Variants in CFAP47 observed in about 807,000 individuals in gnomAD.
The protein encoded by CFAP47 is cilia and flagella associated protein 47.
CFAP47 carries 29 observed loss-of-function variants against 148.1 expected under a neutral mutation model. The observed-to-expected ratio is 0.20, with a 90% confidence interval of 0.15 to 0.27. The LOEUF is 0.27. Among genes scored for constraint, CFAP47 ranks in the 10% least tolerant of loss-of-function variants. The probability of loss-of-function intolerance (pLI) is 1.00; values close to 1 mark genes in which losing one functional copy is unlikely to be tolerated. For missense variants in CFAP47, 1,872 were observed against 1,697.5 expected (o/e 1.10, Z -1.81); for synonymous variants, 664 against 577.3 (o/e 1.15, Z -2.15).
intron 33 of CFAP47, among the ~76,000 whole-genome samples, chrX:36,129,758 T>C (rs1938910994): frequency 9.0e-6 from 1 of 111,072 alleles, no homozygotes; most frequent in Admixed American, 9.6e-5. Context: ...TAAATGCCAG[T>C]CCATGTAGTA....
At chrX:36,319,477 T>C (rs1556011668) in intron 57 of CFAP47, among the ~76,000 whole-genome samples, 170 bp downstream of exon 57, 1 of 106,756 alleles carries the variant, frequency 9.4e-6, no homozygotes, top group East Asian at 2.9e-4. Flanking sequence ...TGGTAAAACA[T>C]ATATATATAT....
intron 51 of CFAP47, among the ~76,000 whole-genome samples, chrX:36,286,019 A>T (rs1221948695): frequency 1.8e-5 from 2 of 111,486 alleles, no homozygotes; most frequent in Non-Finnish European, 3.8e-5. Context: ...TTGTTCACAC[A>T]TAGATGATAA....
intron 54 of CFAP47, among the ~76,000 whole-genome samples, chrX:36,305,669 G>T (rs782643286): frequency 7.9e-4 from 88 of 111,367 alleles, no homozygotes; most frequent in African/African-American, 1.4e-3. Context: ...AAAATATATA[G>T]AGAGAAATAT....
At chrX:36,184,453 C>T (rs1348534335) in intron 40 of CFAP47, among the ~76,000 whole-genome samples, 2 of 111,138 alleles carry the variant, frequency 1.8e-5, no homozygotes, top group Non-Finnish European at 3.8e-5. Flanking sequence ...AAGTGTTTAT[C>T]ATTCTGCTTT....
intron 49 of CFAP47, among the ~76,000 whole-genome samples, chrX:36,263,422 A>G (rs1436015303): frequency 3.6e-5 from 4 of 112,004 alleles, no homozygotes; most frequent in Non-Finnish European, 7.5e-5. Context: ...TTGAAGGTGG[A>G]TAGTCATATC....
At chrX:36,183,515 T>C (rs1939773826) in intron 40 of CFAP47, among the ~76,000 whole-genome samples, 1 of 111,815 alleles carries the variant, frequency 8.9e-6, no homozygotes, top group Non-Finnish European at 1.9e-5. Context: ...CATCAGCTAA[T>C]ATCTCTCCAA....
intron 52 of CFAP47, among the ~76,000 whole-genome samples, chrX:36,300,035 A>G (rs782158972): frequency 9.0e-6 from 1 of 111,689 alleles, no homozygotes; most frequent in Non-Finnish European, 1.9e-5. Context: ...TTGTGAACAT[A>G]TACTGAATCT....
chrX:36,098,961 G>A, intron 31 of CFAP47, 87 bp downstream of exon 31: 1 of 407,013 alleles, frequency 2.5e-6, no homozygotes, highest in South Asian at 6.7e-5. Context: ...TTCTACTTCA[G>A]ACTGTTGAGT....
intron 60 of CFAP47, among the ~76,000 whole-genome samples, 178 bp downstream of exon 60, chrX:36,353,859 G>T (rs1556017946): frequency 8.9e-6 from 1 of 111,756 alleles, no homozygotes; most frequent in East Asian, 2.8e-4. Flanking sequence ...TTTTCACGTA[G>T]CTCAAACATA....
Position 36,379,381 on chromosome X carries a change from C to G in CFAP47, c.9217C>G (p.Pro3073Ala), listed in dbSNP as rs2147007317. Residue 3073 changes from proline (P) to alanine (A), a missense_variant, in exon 63 of 64, where the codon CCT (proline) becomes GCT (alanine). Pro to Ala is a conservative substitution (Grantham distance 27, BLOSUM62 -1). Transcript: ENST00000378653. ...TGAGCCGTTCACCGCACACTTCCTACCTGGCAGCGATCTGGAGTTTTTTGT... is the reference window on the plus strand; with the variant it reads ...TGAGCCGTTCACCGCACACTTCCTAGCTGGCAGCGATCTGGAGTTTTTTGT... The part of the protein sequence containing the change: ...NPEPFTAHFL[P>A]GSDLEFFVKP... 1 of 1,167,475 alleles carries G rather than the reference C, an allele frequency of 8.6e-7. No homozygotes were observed. The highest frequency in any genetic ancestry group is 1.1e-6 in the Non-Finnish European group (1 of 872,648).
intron 26 of CFAP47, among the ~76,000 whole-genome samples, chrX:36,050,028 C>A (rs1406337175): frequency 2.7e-5 from 3 of 112,020 alleles, no homozygotes; most frequent in Admixed American, 9.5e-5. Flanking sequence ...GCTTCTCCTT[C>A]ACTTTCTGCC....
rs782777772 is a variant in CFAP47 at position 36,189,568 on chromosome X, A to G, written c.6176-483A>G. On this transcript the variant is annotated intron_variant, in intron 41 of 63. Transcript: ENST00000378653. Reference sequence around the variant, plus strand: ...GTCACTAAGGCTGGCCCACTACATCATCATATTTAAGGCAATATCAGATAA... The same window carrying G: ...GTCACTAAGGCTGGCCCACTACATCGTCATATTTAAGGCAATATCAGATAA... 1.2e-4 allele frequency among the ~76,000 whole-genome samples: 14 copies of G among 112,060 alleles called. No individual in the cohort carries two copies. The South Asian group carries it at 5.2e-3, about 41-fold the overall frequency.
chrX:36,112,961 A>G (rs193248163), intron 33 of CFAP47, among the ~76,000 whole-genome samples: 1 of 111,503 alleles, frequency 9.0e-6, no homozygotes, highest in African/African-American at 3.3e-5. Flanking sequence ...TTCTCCATCC[A>G]TGTATTTTGA....
intron 8 of CFAP47, among the ~76,000 whole-genome samples, chrX:35,960,409 G>GAAAAAAAT (rs1936313788): frequency 1.4e-5 from 1 of 69,696 alleles, no homozygotes; most frequent in African/African-American, 9.2e-5. Context: ...AAAAAAAAAG[G>GAAAAAAAT]ACAGCTGGAA....
intron 33 of CFAP47, among the ~76,000 whole-genome samples, chrX:36,110,657 A>G (rs1938540745): frequency 8.9e-6 from 1 of 111,903 alleles, no homozygotes; most frequent in South Asian, 3.7e-4. Context: ...TGCCATTGGT[A>G]GTTTTATAGA....
chrX:35,966,364 T>G, intron 8 of CFAP47, among the ~76,000 whole-genome samples: 1 of 105,199 alleles, frequency 9.5e-6, no homozygotes, highest in African/African-American at 3.4e-5. Context: ...AAAATTTTAA[T>G]AATTTTTATT....
chrX:36,314,340 G>C (rs1323537562), intron 56 of CFAP47, among the ~76,000 whole-genome samples: 1 of 111,753 alleles, frequency 8.9e-6, no homozygotes, highest in Non-Finnish European at 1.9e-5. Flanking sequence ...TCACGAATCA[G>C]GCAGCCTCCA....
intron 29 of CFAP47, among the ~76,000 whole-genome samples, chrX:36,078,835 T>G (rs978333653): frequency 2.1e-4 from 24 of 111,703 alleles, no homozygotes; most frequent in East Asian, 2.8e-4. Context: ...TTTCCATGTT[T>G]AGTGCTTCCT....
intron 22 of CFAP47, among the ~76,000 whole-genome samples, chrX:36,016,605 G>T (rs1016631887): frequency 9.1e-6 from 1 of 109,851 alleles, no homozygotes; most frequent in African/African-American, 3.3e-5. Flanking sequence ...GAACAGTGCT[G>T]CAACAAACAT....
Sources: gnomAD v4.1 joint callset for allele counts (sites outside exome capture counted in the v4.1 genomes callset) on GRCh38, gnomAD v4.1.1 for gene constraint, MANE v1.5 for transcripts, NCBI Gene and HGNC (gene_info 2026-07-23, HGNC 2026-07-21) for gene names.